GALNT17: variants seen among roughly 807,000 people sequenced by gnomAD.
The protein encoded by GALNT17 is UDP-GalNAc:polypeptide N-acetylgalactosaminyltransferase-like 3.
A neutral mutation model predicts 63.7 loss-of-function variants in GALNT17; 29 were observed. The ratio of observed to expected loss-of-function variants is 0.46; its 90% confidence interval spans 0.34 to 0.62. The LOEUF is 0.62. Among genes scored for constraint, GALNT17 ranks in the 20% least tolerant of loss-of-function variants. The pLI is 0.01. For synonymous variants in GALNT17, 305 were observed against 318.3 expected (o/e 0.96, Z 0.45); for missense variants, 603 against 799.6 (o/e 0.75, Z 2.97).
intron 6 of GALNT17, among the ~76,000 whole-genome samples, chr7:71,656,983 A>C (rs1790837719): frequency 6.6e-6 from 1 of 152,170 alleles, no homozygotes; most frequent in African/African-American, 2.4e-5. Flanking sequence ...TAATCAGGGC[A>C]CCCAGGGTTC....
intron 4 of GALNT17, among the ~76,000 whole-genome samples, chr7:71,417,423 C>T (rs569355741): frequency 1.2e-4 from 18 of 152,272 alleles, no homozygotes; most frequent in African/African-American, 4.3e-4. Context: ...ACCCTGGTGA[C>T]ACCCAGCTGC....
At chr7:71,597,806 G>C (rs1468785020) in intron 6 of GALNT17, among the ~76,000 whole-genome samples, 1 of 152,150 alleles carries the variant, frequency 6.6e-6, no homozygotes, top group Non-Finnish European at 1.5e-5. Flanking sequence ...TGATTACCTT[G>C]CTTGTCAATG....
At chr7:71,332,930 C>T (rs1361894163) in intron 1 of GALNT17, among the ~76,000 whole-genome samples, 8 of 152,126 alleles carry the variant, frequency 5.3e-5, no homozygotes, top group Non-Finnish European at 1.2e-4. Context: ...TCAAGTGATC[C>T]GCCCACCTCA....
In GALNT17 at chr7:71,488,889, CTTTT is replaced by C. The variant is rs369124996; in HGVS notation, c.962+67805_962+67808del. Among the ~76,000 whole-genome samples the C allele has an allele frequency of 9.1e-4, 50 of 54,740 alleles. 2 individuals carry two copies. The highest frequency in any genetic ancestry group is 5.8e-3 in the East Asian group (8 of 1,390). The allele number at this position is 54,740 out of a possible 152,430, so 35.9% of individuals were successfully genotyped here. A position where few individuals can be genotyped will look rare whatever the true frequency, so the allele number is the denominator to read the frequency against. On this transcript the variant is annotated intron_variant, in intron 5 of 10. Transcript: ENST00000333538. Reference sequence around the variant, plus strand: ...GAGCCACCGCGCCCAGCCAGGTTTCCTTTTTTTTTTTTTTTTTTTTTTTTGAGAC... The same window carrying C: ...GAGCCACCGCGCCCAGCCAGGTTTCCTTTTTTTTTTTTTTTTTTTTGAGAC...
chr7:71,350,736 A>G (rs2116177549), intron 2 of GALNT17, among the ~76,000 whole-genome samples: 1 of 152,278 alleles, frequency 6.6e-6, no homozygotes, highest in African/African-American at 2.4e-5. Flanking sequence ...TCTGGAACCA[A>G]TCCCCCTTAG....
intron 5 of GALNT17, among the ~76,000 whole-genome samples, chr7:71,545,588 G>T (rs987424668): frequency 3.0e-4 from 46 of 152,144 alleles, no homozygotes; most frequent in African/African-American, 1.1e-3. Flanking sequence ...CTGGCTTCTA[G>T]CGATCCACCT....
chr7:71,185,802 C>A (rs144521001), intron 1 of GALNT17, among the ~76,000 whole-genome samples: 1 of 152,150 alleles, frequency 6.6e-6, no homozygotes, highest in East Asian at 1.9e-4. Flanking sequence ...CCACTGCGCC[C>A]GGCCCCCATT....
intron 6 of GALNT17, among the ~76,000 whole-genome samples, chr7:71,595,658 GAGAC>G (rs1341935686): frequency 1.8e-5 from 2 of 108,778 alleles, no homozygotes; most frequent in Non-Finnish European, 3.6e-5. Flanking sequence ...GAGAGAGACT[GAGAC>G]ACACACACAC....
At chr7:71,218,414 C>T (rs1789525198) in intron 1 of GALNT17, among the ~76,000 whole-genome samples, 1 of 152,088 alleles carries the variant, frequency 6.6e-6, no homozygotes, top group South Asian at 2.1e-4. Flanking sequence ...CTCTGCTGGC[C>T]CCAGGACAGC....
In GALNT17 at chr7:71,632,198, G is replaced by A. The variant is rs146327523; in HGVS notation, c.1081-33213G>A. ...AAGGCTCAAGATAAGGAACAGCCTTGTGTCCGGCCAAGCTTTTCCACTGTG... is the reference window on the plus strand; with the variant it reads ...AAGGCTCAAGATAAGGAACAGCCTTATGTCCGGCCAAGCTTTTCCACTGTG... On this transcript the variant is annotated intron_variant, in intron 6 of 10. Coordinates refer to ENST00000333538, the MANE Select transcript of GALNT17 (RefSeq NM_022479.3). Among the ~76,000 whole-genome samples, 1,236 of 152,318 alleles carry A rather than the reference G, an allele frequency of 8.1e-3. 18 individuals carry two copies. The highest frequency in any genetic ancestry group is 0.023 in the African/African-American group (958 of 41,564).
At chr7:71,663,397 C>G (rs1790937063) in intron 6 of GALNT17, among the ~76,000 whole-genome samples, 1 of 152,132 alleles carries the variant, frequency 6.6e-6, no homozygotes, top group Non-Finnish European at 1.5e-5. Flanking sequence ...TATATATTGT[C>G]CGTACCTTGA....
intron 9 of GALNT17, among the ~76,000 whole-genome samples, chr7:71,694,519 C>T (rs1791511392): frequency 6.6e-6 from 1 of 152,022 alleles, no homozygotes; most frequent in Non-Finnish European, 1.5e-5. Context: ...CCTCAGCCTC[C>T]CAAGTAGCTG....
At chr7:71,396,593 A>G (rs1054322610) in intron 3 of GALNT17, among the ~76,000 whole-genome samples, 1 of 152,126 alleles carries the variant, frequency 6.6e-6, no homozygotes, top group Non-Finnish European at 1.5e-5. Flanking sequence ...TGTTATGTCT[A>G]TTCTGGGTTC....
chr7:71,569,482 G>A (rs527338176), intron 5 of GALNT17, among the ~76,000 whole-genome samples: 2 of 152,216 alleles, frequency 1.3e-5, no homozygotes, highest in East Asian at 1.9e-4. Flanking sequence ...CTTTATGCCT[G>A]TGTGTACCCA....
intron 6 of GALNT17, among the ~76,000 whole-genome samples, chr7:71,664,979 A>G (rs922639895): frequency 6.6e-5 from 10 of 151,948 alleles, no homozygotes; most frequent in African/African-American, 2.2e-4. Context: ...TTATTTATTT[A>G]TTTATTTATT....
Position 71,246,127 on chromosome 7 carries a change from T to G in GALNT17, c.239-89423T>G, listed in dbSNP as rs1284776679. Among the ~76,000 whole-genome samples the G allele has an allele frequency of 3.5e-5, 5 of 141,612 alleles. No individual in the cohort carries two copies. In the East Asian group the frequency reaches 8.1e-4, roughly 23 times the overall value. 92.9% of individuals were successfully genotyped at this position (141,612 alleles called of 152,430 possible). On this transcript the variant is annotated intron_variant, in intron 1 of 10. Transcript: ENST00000333538. ...AGCTTTTTTCGTTGTTTTTTTTTTT[T>G]TTTTTTTTTTTTGAGACAGAGGCTT... is the stretch of plus-strand genomic sequence containing the variant.
intron 1 of GALNT17, among the ~76,000 whole-genome samples, chr7:71,198,181 G>A (rs1028839645): frequency 4.9e-5 from 7 of 144,262 alleles, no homozygotes; most frequent in Non-Finnish European, 8.9e-5. Flanking sequence ...CTGGGTGACC[G>A]AGCGAGACTC....
At chr7:71,560,723 C>T (rs574956890) in intron 5 of GALNT17, among the ~76,000 whole-genome samples, 35 of 152,222 alleles carry the variant, frequency 2.3e-4, no homozygotes, top group African/African-American at 7.5e-4. Context: ...TGTCAGGAGG[C>T]GGTGTTAACC....
At chr7:71,347,725 A>C (rs898227336) in intron 2 of GALNT17, among the ~76,000 whole-genome samples, 1 of 152,012 alleles carries the variant, frequency 6.6e-6, no homozygotes, top group Non-Finnish European at 1.5e-5. Flanking sequence ...GGTTCTTCCC[A>C]GGCCTGGATC....
Sources: gnomAD v4.1 joint callset for allele counts (sites outside exome capture counted in the v4.1 genomes callset) on GRCh38, gnomAD v4.1.1 for gene constraint, MANE v1.5 for transcripts, NCBI Gene and HGNC (gene_info 2026-07-23, HGNC 2026-07-21) for gene names.